LETM2: variants seen among roughly 807,000 people sequenced by gnomAD.
LETM2 encodes leucine zipper and EF-hand containing transmembrane protein 2.
Under a neutral mutation model 59.6 loss-of-function variants are expected in LETM2, and 58 were observed. That is an observed-to-expected ratio of 0.97 (90% CI 0.79 to 1.21). The LOEUF (loss-of-function observed/expected upper bound fraction) is 1.21. Ranked by LOEUF, LETM2 falls within the 50% of genes most tolerant of loss-of-function variation. LETM2 has a pLI of 0.00. For synonymous variants in LETM2, 199 were observed against 214.1 expected, an observed-to-expected ratio of 0.93 and a Z score of 0.62; for missense variants, 572 against 575.7, an observed-to-expected ratio of 0.99 and a Z score of 0.07.
chr8:38,388,081 T>C (rs1355744587), intron 2 of LETM2, 51 bp downstream of exon 2: 2 of 22,598 alleles, frequency 8.9e-5, no homozygotes, highest in Non-Finnish European at 1.2e-4. Flanking sequence ...CTTCTTCTTC[T>C]TTTTTTTTTT....
At chr8:38,393,373 G>C (rs762928623) in intron 3 of LETM2, 7 of 192,124 alleles carry the variant, frequency 3.6e-5, no homozygotes, top group Non-Finnish European at 6.5e-5. Flanking sequence ...GGCTGGGCAC[G>C]ATGGCTTATG....
At chr8:38,402,915 C>T (rs59498392) in intron 7 of LETM2, among the ~76,000 whole-genome samples, 6 of 151,868 alleles carry the variant, frequency 4.0e-5, no homozygotes, top group Non-Finnish European at 5.9e-5. Context: ...CAGAAGTGCA[C>T]GCTGTGCTCC....
intron 2 of LETM2, among the ~76,000 whole-genome samples, chr8:38,389,934 G>A (rs1812081551): frequency 1.3e-5 from 2 of 149,074 alleles, no homozygotes; most frequent in Non-Finnish European, 3.0e-5. Context: ...GGGAGGTGGA[G>A]GTTGCAGTGA....
upstream of LETM2, chr8:38,382,437 C>G (rs1331976538): frequency 6.6e-6 from 1 of 152,382 alleles, no homozygotes; most frequent in East Asian, 2.0e-4. The surrounding 1 kb of genome is among the most constrained non-coding windows in gnomAD (Gnocchi z 4.2). Flanking sequence ...ACCAGGAACG[C>G]CCGCGGCAGC....
Position 38,392,698 on chromosome 8 carries a change from C to A in LETM2, c.204C>A (p.His68Gln). Reference protein sequence around the residue: ...DPSQPGNTVLHPGTRLIQKLH... With the variant: ...DPSQPGNTVLQPGTRLIQKLH... ...GTCAGCCAGGCAATACAGTACTTCACCCAGGAACTAGACTAATACAAAAGC... is the reference window on the plus strand; with the variant it reads ...GTCAGCCAGGCAATACAGTACTTCAACCAGGAACTAGACTAATACAAAAGC... The change falls in exon 3 of 11, where the codon CAC (histidine) becomes CAA (glutamine). Residue 68 changes from histidine to glutamine, a missense_variant. Physicochemically the swap from His to Gln is conservative, Grantham distance 24. Coordinates refer to ENST00000379957, the MANE Select transcript of LETM2 (RefSeq NM_001286819.2). 1 of 1,614,122 alleles carries A rather than the reference C, an allele frequency of 6.2e-7. No homozygotes were observed. The highest frequency in any genetic ancestry group is 1.1e-5 in the South Asian group (1 of 91,072).
At chr8:38,404,634 TTATG>T in intron 8 of LETM2, 128 bp downstream of exon 8, 1 of 638,292 alleles carries the variant, frequency 1.6e-6, no homozygotes, top group Non-Finnish European at 2.7e-6. Context: ...CCAACTGGCT[TTATG>T]TGTTTTAAAA....
intron 5 of LETM2, 111 bp from the exon 6 acceptor site, chr8:38,400,742 A>T: frequency 1.1e-6 from 1 of 949,450 alleles, no homozygotes; most frequent in Non-Finnish European, 1.6e-6. Flanking sequence ...CGATTTCCAG[A>T]TGTCAGACAG....
At chr8:38,394,363 A>G in intron 4 of LETM2, 122 bp downstream of exon 4, 2 of 498,612 alleles carry the variant, frequency 4.0e-6, no homozygotes, top group Non-Finnish European at 6.9e-6. Flanking sequence ...TTTCTCCTGT[A>G]ATTAATATCT....
intron 7 of LETM2, among the ~76,000 whole-genome samples, chr8:38,403,103 A>G (rs1813378137): frequency 3.9e-5 from 6 of 152,096 alleles, no homozygotes. Flanking sequence ...CATCTGCAAG[A>G]GAGAACTTCT....
rs1813318847 is a variant in LETM2, at chr8:38,402,539, AG to A, written c.1003del (p.Val335Ter). ...ATTTCTTTCAGATAATTGCCAAGGA[AG>A]GGGTGACAGCATTGAGTGTATCAGA... ...KADDEIIAKE[G>X]VTALSVSELQ... On this transcript the variant is annotated frameshift_variant, in exon 7 of 11. Transcript: ENST00000379957. LOFTEE classifies it high-confidence loss of function. 5.0e-6 allele frequency: 8 copies of A among 1,613,932 alleles called. No individual in the cohort carries two copies. Among genetic ancestry groups the A allele is most frequent in the Non-Finnish European group, 6.8e-6 (8 of 1,179,814 alleles).
At chr8:38,388,077 CTT>C in intron 2 of LETM2, 47 bp downstream of exon 2, 1 of 1,112,348 alleles carries the variant, frequency 9.0e-7, no homozygotes, top group Admixed American at 2.9e-5. Flanking sequence ...TCTTCTTCTT[CTT>C]CTTTTTTTTT....
At chr8:38,396,903 G>A (rs1585994128) in intron 4 of LETM2, 2 of 318,648 alleles carry the variant, frequency 6.3e-6, no homozygotes, top group East Asian at 8.7e-5. Context: ...GGGCAAGAGT[G>A]AGATCCTGTT....
In LETM2 at chr8:38,392,872, C is replaced by G; in HGVS notation, c.378C>G (p.Ile126Met). 1 of 1,614,048 alleles carries G rather than the reference C, an allele frequency of 6.2e-7. No homozygotes were observed. The highest frequency in any genetic ancestry group is 1.3e-5 in the African/African-American group (1 of 75,040). The change falls in exon 3 of 11, where the codon ATC becomes ATG. Residue 126 changes from isoleucine to methionine, a missense_variant. Ile to Met is a conservative substitution (Grantham distance 10, BLOSUM62 1). Coordinates refer to ENST00000379957, the MANE Select transcript of LETM2 (RefSeq NM_001286819.2). Reference protein sequence around the residue: ...KEGKQSYRQKIMDELKYYYNG... With the variant: ...KEGKQSYRQKMMDELKYYYNG... ...GCAAACAATCTTATAGACAAAAAAT[C>G]ATGGATGAACTAAAATATTATTACA...
At position 38,392,629 on chromosome 8, in the gene LETM2, G is replaced by T; in HGVS notation, c.135G>T (p.Lys45Asn). 2 of 1,613,814 alleles carry T rather than the reference G, an allele frequency of 1.2e-6. No homozygotes were observed. The highest frequency in any genetic ancestry group is 1.7e-6 in the Non-Finnish European group (2 of 1,179,836). Residue 45 changes from lysine (K) to asparagine (N), a missense_variant, in exon 3 of 11, where the codon AAG becomes AAT. Coordinates refer to ENST00000379957, the MANE Select transcript of LETM2 (RefSeq NM_001286819.2). ...ACTTGCCAGATTCCCATTTAAATAA[G>T]ACATGTATGAAGAACTATGAGAGCA... ...FLHLPDSHLN[K>N]TCMKNYESKK... is the part of the protein sequence containing the mutation.
Position 38,401,922 on chromosome 8 carries a change from C to A in LETM2, c.985-603C>A, listed in dbSNP as rs549684121. On this transcript the variant is annotated intron_variant, in intron 6 of 10. Coordinates refer to ENST00000379957, the MANE Select transcript of LETM2 (RefSeq NM_001286819.2). ...AATCAGCTGCTTTATAAGCATTCCA[C>A]CTGGGGGAGCAGGTTTCCCAGAACT... Among the ~76,000 whole-genome samples the A allele has an allele frequency of 2.6e-5, 4 of 152,292 alleles. No homozygotes were observed. The South Asian group carries it at 8.3e-4, about 32-fold the overall frequency.
Position 38,401,003 on chromosome 8 carries a change from C to T in LETM2, c.934C>T (p.Leu312Phe). Residue 312 changes from leucine (L) to phenylalanine (F), a missense_variant, in exon 6 of 11, where the codon CTC becomes TTC. By Grantham distance (22) the Leu-to-Phe change is conservative. Coordinates refer to ENST00000379957, the MANE Select transcript of LETM2 (RefSeq NM_001286819.2). ...GCAGACATTTGGAACCAACAACCTGCTCCGCTTTCAGCTCCTGATGAAACT... is the reference window on the plus strand; with the variant it reads ...GCAGACATTTGGAACCAACAACCTGTTCCGCTTTCAGCTCCTGATGAAACT... ...ELQTFGTNNL[L>F]RFQLLMKLKS... 6.2e-7 allele frequency: 1 copy of T among 1,614,128 alleles called. No homozygotes were observed. The highest frequency in any genetic ancestry group is 8.5e-7 in the Non-Finnish European group (1 of 1,180,006).
chr8:38,385,070 A>C (rs1419959847), upstream of LETM2, among the ~76,000 whole-genome samples: 1 of 152,238 alleles, frequency 6.6e-6, no homozygotes, highest in Non-Finnish European at 1.5e-5. Flanking sequence ...AAAGCTTTGT[A>C]GATTTTAATA....
intron 8 of LETM2, 24 bp downstream of exon 8, chr8:38,404,530 C>A: frequency 6.9e-7 from 1 of 1,456,438 alleles, no homozygotes. Flanking sequence ...TTAATGGGGA[C>A]CCTCGACGTC....
intron 4 of LETM2, among the ~76,000 whole-genome samples, chr8:38,399,777 C>CAAAAA (rs10683906): frequency 1.2e-5 from 1 of 85,314 alleles, no homozygotes; most frequent in African/African-American, 4.8e-5. Flanking sequence ...AACTCCATCT[C>CAAAAA]AAAAAAAAAA....
Sources: allele counts gnomAD v4.1 joint callset (sites outside exome capture counted in the v4.1 genomes callset), GRCh38; gene constraint gnomAD v4.1.1; non-coding constraint Gnocchi (gnomAD v3.1); transcripts MANE v1.5; gene names NCBI Gene and HGNC (gene_info 2026-07-23, HGNC 2026-07-21).